The following RAPGEF4 variants were observed in gnomAD, a reference collection of about 807,000 sequenced individuals.
The protein encoded by RAPGEF4 is Rap guanine nucleotide exchange factor 4, also known as RAP guanine-nucleotide-exchange factor (GEF) 4.
Under a neutral mutation model 147.9 loss-of-function variants are expected in RAPGEF4, and 66 were observed. The observed-to-expected ratio is 0.45, with a 90% CI of 0.37 to 0.55. The LOEUF (loss-of-function observed/expected upper bound fraction) is 0.55, where lower values mean the gene tolerates loss of function less well. RAPGEF4 is among the 20% of genes least tolerant of loss of function. The pLI, the probability that RAPGEF4 is intolerant of heterozygous loss-of-function variation, is 0.00. For synonymous variants in RAPGEF4, 419 were observed against 442.7 expected, an observed-to-expected ratio of 0.95 and a Z score of 0.67; for missense variants, 1,071 against 1,257.3, an observed-to-expected ratio of 0.85 and a Z score of 2.24.
At position 173,051,734 on chromosome 2, in the gene RAPGEF4, G is replaced by A. The variant is rs1686266806; in HGVS notation, c.3003G>A (p.Gln1001=). ...NVIDNQRTLS[Q]MSHRLEPRRP is the part of the protein sequence containing the mutation. Reference sequence around the variant, plus strand: ...TTGACAACCAGAGAACTTTATCACAGATGTCACACAGATTAGAGCCTCGTC... The same window carrying A: ...TTGACAACCAGAGAACTTTATCACAAATGTCACACAGATTAGAGCCTCGTC... The change falls in exon 31 of 31, where the codon CAG becomes CAA. Residue 1001 remains glutamine, a synonymous_variant. Transcript: ENST00000397081. 1.2e-6 allele frequency: 2 copies of A among 1,613,910 alleles called. No homozygotes were observed. The highest frequency in any genetic ancestry group is 1.3e-5 in the African/African-American group (1 of 74,912).
chr2:173,035,702 T>C (rs1683907132), intron 27 of RAPGEF4, among the ~76,000 whole-genome samples: 1 of 152,176 alleles, frequency 6.6e-6, no homozygotes, highest in Admixed American at 6.5e-5. Context: ...TAGCCTACTG[T>C]TGACTAGAGG....
At chr2:173,046,270 A>G (rs1685457639) in intron 29 of RAPGEF4, among the ~76,000 whole-genome samples, 1 of 152,240 alleles carries the variant, frequency 6.6e-6, no homozygotes, top group Non-Finnish European at 1.5e-5. Flanking sequence ...TTACTGATTT[A>G]AACAATTGTT....
At chr2:172,825,766 A>T (rs996234029) in intron 4 of RAPGEF4, among the ~76,000 whole-genome samples, 8 of 152,166 alleles carry the variant, frequency 5.3e-5, no homozygotes, top group African/African-American at 9.7e-5. Flanking sequence ...ATTCATGATT[A>T]AAAAAATTAA....
intron 23 of RAPGEF4, among the ~76,000 whole-genome samples, chr2:173,023,126 G>A (rs1167830786): frequency 6.6e-6 from 1 of 152,178 alleles, no homozygotes; most frequent in Non-Finnish European, 1.5e-5. Flanking sequence ...TAGACACAGA[G>A]GGTGTGGGCA....
rs527306851 is a variant in RAPGEF4 at position 172,938,244 on chromosome 2, C to T, written c.537+15944C>T. Among the ~76,000 whole-genome samples the T allele has an allele frequency of 2.6e-5, 4 of 151,410 alleles. No homozygotes were observed. In the South Asian group the frequency reaches 8.4e-4, roughly 32 times the overall value. On this transcript the variant is annotated intron_variant, in intron 6 of 30. Coordinates refer to ENST00000397081, the MANE Select transcript of RAPGEF4 (RefSeq NM_007023.4). Reference sequence around the variant, plus strand: ...ACACACACACACACACACACACACACAGACAACCATCTGTATCTATGTTTG... The same window carrying T: ...ACACACACACACACACACACACACATAGACAACCATCTGTATCTATGTTTG...
intron 6 of RAPGEF4, among the ~76,000 whole-genome samples, chr2:172,943,462 G>A (rs1311583645): frequency 6.6e-6 from 1 of 151,996 alleles, no homozygotes; most frequent in East Asian, 1.9e-4. Flanking sequence ...GCTCATCAAA[G>A]GGTTGTTGTT....
intron 1 of RAPGEF4, among the ~76,000 whole-genome samples, chr2:172,748,950 T>C (rs1695016557): frequency 6.6e-6 from 1 of 152,232 alleles, no homozygotes; most frequent in African/African-American, 2.4e-5. Context: ...AGTCAAATCT[T>C]AAGACTCCAA....
At chr2:172,920,706 T>C (rs1684655215) in intron 5 of RAPGEF4, among the ~76,000 whole-genome samples, 1 of 152,204 alleles carries the variant, frequency 6.6e-6, no homozygotes, top group Non-Finnish European at 1.5e-5. Context: ...TCATATATGG[T>C]GATTTGTGCA....
At chr2:172,880,988 T>C (rs1485882867) in intron 4 of RAPGEF4, among the ~76,000 whole-genome samples, 1 of 152,232 alleles carries the variant, frequency 6.6e-6, no homozygotes, top group Non-Finnish European at 1.5e-5. Flanking sequence ...ACCAACTTTG[T>C]GTATTATCTT....
intron 1 of RAPGEF4, among the ~76,000 whole-genome samples, chr2:172,749,031 G>A (rs1311077159): frequency 6.6e-6 from 1 of 152,300 alleles, no homozygotes; most frequent in East Asian, 1.9e-4. Context: ...CATGGTCTTG[G>A]GCAGCCTGGC....
At chr2:172,832,807 C>A (rs374291118) in intron 4 of RAPGEF4, among the ~76,000 whole-genome samples, 13 of 152,314 alleles carry the variant, frequency 8.5e-5, no homozygotes, top group African/African-American at 2.6e-4. Flanking sequence ...GTATAGGTTG[C>A]CCTATCTTTC....
intron 4 of RAPGEF4, among the ~76,000 whole-genome samples, chr2:172,863,339 T>C (rs1011025332): frequency 3.3e-5 from 5 of 152,280 alleles, no homozygotes; most frequent in South Asian, 2.1e-4. Context: ...TATAGAGCTA[T>C]TGCTGACAAT....
intron 4 of RAPGEF4, among the ~76,000 whole-genome samples, chr2:172,883,711 G>A (rs1232448695): frequency 6.6e-6 from 1 of 152,120 alleles, no homozygotes; most frequent in Non-Finnish European, 1.5e-5. Context: ...GGTGGGTATG[G>A]TTGGAAGCCC....
intron 4 of RAPGEF4, among the ~76,000 whole-genome samples, chr2:172,903,697 C>T (rs1401339773): frequency 3.9e-5 from 4 of 103,608 alleles, no homozygotes; most frequent in African/African-American, 1.6e-4. Flanking sequence ...CTAAGAGACC[C>T]TATGGATACT....
At chr2:173,011,919 TAA>T (rs1358654335) in intron 17 of RAPGEF4, among the ~76,000 whole-genome samples, 1 of 151,978 alleles carries the variant, frequency 6.6e-6, no homozygotes, top group Non-Finnish European at 1.5e-5. Context: ...AAATTGAGGC[TAA>T]GTGTTCACCA....
intron 1 of RAPGEF4, among the ~76,000 whole-genome samples, chr2:172,758,221 G>A (rs1439572974): frequency 6.6e-6 from 1 of 152,166 alleles, no homozygotes; most frequent in Admixed American, 6.5e-5. Context: ...AGGTGTGGGT[G>A]CGTGTGTAGG....
intron 4 of RAPGEF4, among the ~76,000 whole-genome samples, chr2:172,816,664 T>C (rs1688543595): frequency 6.6e-6 from 1 of 152,188 alleles, no homozygotes; most frequent in Admixed American, 6.5e-5. Context: ...TTGTCACATG[T>C]TTTGCAGTTC....
intron 6 of RAPGEF4, among the ~76,000 whole-genome samples, chr2:172,934,497 G>A (rs1197449982): frequency 6.6e-6 from 1 of 152,076 alleles, no homozygotes; most frequent in Non-Finnish European, 1.5e-5. Context: ...AGTTTCTACT[G>A]TGTGCCATGT....
At chr2:172,837,791 C>T (rs540340220) in intron 4 of RAPGEF4, among the ~76,000 whole-genome samples, 1 of 152,224 alleles carries the variant, frequency 6.6e-6, no homozygotes, top group Middle Eastern at 3.4e-3. Flanking sequence ...CTCAAACTCC[C>T]ATCCTCAAGT....
Sources: gnomAD v4.1 joint callset for allele counts (sites outside exome capture counted in the v4.1 genomes callset) on GRCh38, gnomAD v4.1.1 for gene constraint, MANE v1.5 for transcripts, NCBI Gene and HGNC (gene_info 2026-07-23, HGNC 2026-07-21) for gene names.